SUMF1: variants seen among roughly 807,000 people sequenced by gnomAD.
The protein encoded by SUMF1 is formylglycine-generating enzyme.
Under a neutral mutation model 47.6 loss-of-function variants are expected in SUMF1, and 48 were observed. The observed-to-expected ratio is 1.01, with a 90% CI of 0.80 to 1.28. SUMF1 has a LOEUF of 1.28. Ranked by LOEUF, SUMF1 falls within the 50% of genes most tolerant of loss-of-function variation. SUMF1 has a pLI of 0.00. For synonymous variants in SUMF1, 230 were observed against 192.1 expected, an observed-to-expected ratio of 1.20 and a Z score of -1.63; for missense variants, 571 against 485.4, an observed-to-expected ratio of 1.18 and a Z score of -1.66.
intron 8 of SUMF1, among the ~76,000 whole-genome samples, chr3:4,148,553 G>A (rs1159361717): frequency 6.6e-6 from 1 of 152,104 alleles, no homozygotes; most frequent in Admixed American, 6.6e-5. Context: ...GCAGAAATGA[G>A]CAAAGTTTCC....
intron 8 of SUMF1, among the ~76,000 whole-genome samples, chr3:4,370,445 G>C (rs17040541): frequency 7.2e-5 from 11 of 152,104 alleles, no homozygotes; most frequent in Non-Finnish European, 1.6e-4. Context: ...ATAGGACTTA[G>C]GTTTTTGTTG....
chr3:4,125,915 G>C (rs1399087374), intron 8 of SUMF1, among the ~76,000 whole-genome samples: 1 of 151,994 alleles, frequency 6.6e-6, no homozygotes, highest in Non-Finnish European at 1.5e-5. Context: ...GGGCTCAAGT[G>C]ATCCTCCCAC....
intron 8 of SUMF1, among the ~76,000 whole-genome samples, chr3:4,347,561 C>G (rs1371898213): frequency 1.3e-5 from 2 of 152,162 alleles, no homozygotes; most frequent in African/African-American, 4.8e-5. Context: ...TTATGTCAAA[C>G]CCACAGCCAA....
chr3:4,445,047 C>CA lies in SUMF1; in HGVS notation c.519+4218dup, dbSNP rs1428547876. On this transcript the variant is annotated intron_variant, in intron 3 of 8. Transcript: ENST00000272902. ...GCTGGGGATGGGAATCGGTAATGAC[C>CA]ACAAATGGGCATGTGGTTTCTTTTA... Among the ~76,000 whole-genome samples the CA allele has an allele frequency of 1.6e-4, 25 of 152,126 alleles. 1 individual carries two copies. The highest frequency in any genetic ancestry group is 5.8e-4 in the African/African-American group (24 of 41,438).
At chr3:4,402,876 C>T (rs1015140141) in intron 7 of SUMF1, among the ~76,000 whole-genome samples, 2 of 152,110 alleles carry the variant, frequency 1.3e-5, no homozygotes, top group Non-Finnish European at 2.9e-5. Context: ...AAAAAAATCG[C>T]TGTGTAACAA....
intron 8 of SUMF1, among the ~76,000 whole-genome samples, chr3:4,184,387 C>T (rs1438017204): frequency 1.3e-5 from 2 of 150,514 alleles, no homozygotes; most frequent in African/African-American, 2.4e-5. Flanking sequence ...ACCCAGGAGA[C>T]GGAAGTTGCA....
chr3:4,272,500 AGAAC>A (rs1292560978), intron 8 of SUMF1, among the ~76,000 whole-genome samples: 1 of 152,168 alleles, frequency 6.6e-6, no homozygotes, highest in Non-Finnish European at 1.5e-5. Flanking sequence ...TCTTCCTCTA[AGAAC>A]AGTTTCTGAC....
At chr3:4,289,398 A>G (rs931536904) in intron 8 of SUMF1, among the ~76,000 whole-genome samples, 2 of 152,214 alleles carry the variant, frequency 1.3e-5, no homozygotes, top group Non-Finnish European at 2.9e-5. Flanking sequence ...AAGAGGCTCC[A>G]AAGAGCAAGG....
chr3:4,401,332 T>A (rs1422111675), intron 7 of SUMF1, among the ~76,000 whole-genome samples: 2 of 152,156 alleles, frequency 1.3e-5, no homozygotes, highest in Non-Finnish European at 2.9e-5. Context: ...ATATACCCAG[T>A]AATGGGATCG....
intron 8 of SUMF1, among the ~76,000 whole-genome samples, chr3:4,342,419 G>C (rs902001907): frequency 6.6e-6 from 1 of 152,180 alleles, no homozygotes; most frequent in African/African-American, 2.4e-5. Flanking sequence ...TGTAGTCCCA[G>C]CTACTTGGGA....
intron 8 of SUMF1, among the ~76,000 whole-genome samples, chr3:4,086,642 T>C (rs183071836): frequency 6.6e-6 from 1 of 152,238 alleles, no homozygotes; most frequent in East Asian, 1.9e-4. Flanking sequence ...ACAGTTATAA[T>C]GAACTAGAAG....
intron 7 of SUMF1, among the ~76,000 whole-genome samples, chr3:4,383,493 T>C (rs1446822882): frequency 6.6e-6 from 1 of 152,204 alleles, no homozygotes; most frequent in Non-Finnish European, 1.5e-5. Flanking sequence ...TATCCTCTGG[T>C]CGTGGTGGTG....
At chr3:4,111,864 T>C (rs1418177683) in intron 8 of SUMF1, among the ~76,000 whole-genome samples, 1 of 152,150 alleles carries the variant, frequency 6.6e-6, no homozygotes, top group Non-Finnish European at 1.5e-5. Flanking sequence ...TGCACTGGCC[T>C]AGGTTATTAT....
chr3:4,080,563 T>C (rs1692537160), intron 8 of SUMF1, among the ~76,000 whole-genome samples: 1 of 152,180 alleles, frequency 6.6e-6, no homozygotes, highest in Non-Finnish European at 1.5e-5. Flanking sequence ...TTATTCATTT[T>C]CTGATGGGCA....
At chr3:4,135,341 T>G (rs1451019563) in intron 8 of SUMF1, among the ~76,000 whole-genome samples, 1 of 152,024 alleles carries the variant, frequency 6.6e-6, no homozygotes, top group African/African-American at 2.4e-5. Flanking sequence ...ATAAATGTAA[T>G]CCAGCATATA....
At chr3:4,466,893 C>T in intron 1 of SUMF1, 83 bp downstream of exon 1, 1 of 1,544,766 alleles carries the variant, frequency 6.5e-7, no homozygotes, top group Non-Finnish European at 8.8e-7. Flanking sequence ...ACTTCCCTTC[C>T]TACTAGTGCC....
rs6793896 is a variant in SUMF1, at chr3:4,313,799, A to G, written c.1014+62531T>C. ...AGTGATAAGCAGCTTGCCCCTCCCT[A>G]TAGTGGAAGACAGTGGTTGGCTAGC... On this transcript the variant is annotated intron_variant and NMD_transcript_variant, in intron 8 of 12. Coordinates refer to the SUMF1 transcript ENST00000448413. 0.012 allele frequency: 18,734 copies of G among 1,611,648 alleles called. 1,894 individuals carry two copies. In the African/African-American group the frequency reaches 0.22, roughly 19 times the overall value.
intron 8 of SUMF1, among the ~76,000 whole-genome samples, chr3:4,246,480 T>G (rs528847520): frequency 3.9e-5 from 6 of 152,136 alleles, no homozygotes; most frequent in African/African-American, 1.4e-4. Flanking sequence ...CGGCTCACCA[T>G]AACCTCTGCC....
intron 8 of SUMF1, among the ~76,000 whole-genome samples, chr3:4,235,638 T>A (rs1696390789): frequency 6.6e-6 from 1 of 152,146 alleles, no homozygotes; most frequent in Non-Finnish European, 1.5e-5. Flanking sequence ...GTATTACCTC[T>A]ATGTACTTAC....
Sources: allele counts gnomAD v4.1 joint callset (sites outside exome capture counted in the v4.1 genomes callset), GRCh38; gene constraint gnomAD v4.1.1; transcripts MANE v1.5; gene names NCBI Gene and HGNC (gene_info 2026-07-23, HGNC 2026-07-21).